CCSER1: variants seen among roughly 807,000 people sequenced by gnomAD.
CCSER1 encodes the protein serine-rich coiled-coil domain-containing protein 1.
A neutral mutation model predicts 82.0 loss-of-function variants in CCSER1; 41 were observed. That is an observed-to-expected ratio of 0.50 (90% CI 0.39 to 0.65). The LOEUF (loss-of-function observed/expected upper bound fraction) is 0.65. CCSER1 is among the 30% of genes least tolerant of loss of function. CCSER1 has a pLI of 0.00. For synonymous variants in CCSER1, 414 were observed against 383.9 expected (o/e 1.08, Z -0.92); for missense variants, 1,119 against 1,064.2 (o/e 1.05, Z -0.72).
At chr4:91,388,992 A>G (rs894539010) in intron 10 of CCSER1, among the ~76,000 whole-genome samples, 2 of 152,040 alleles carry the variant, frequency 1.3e-5, no homozygotes, top group African/African-American at 4.8e-5. Context: ...ACAATCTTTT[A>G]TCAGATATGC....
intron 10 of CCSER1, among the ~76,000 whole-genome samples, chr4:91,390,313 A>AT (rs1291255578): frequency 1.3e-4 from 19 of 151,778 alleles, no homozygotes; most frequent in Middle Eastern, 3.4e-3. Context: ...TAATGATGTG[A>AT]TTTTTCCTCT....
intron 8 of CCSER1, among the ~76,000 whole-genome samples, chr4:90,836,464 G>C (rs1373751345): frequency 6.6e-6 from 1 of 152,070 alleles, no homozygotes; most frequent in Non-Finnish European, 1.5e-5. Flanking sequence ...ACTCACTCTT[G>C]GAGTTTCTGG....
At chr4:90,622,940 C>T (rs1438408018) in intron 5 of CCSER1, among the ~76,000 whole-genome samples, 1 of 151,388 alleles carries the variant, frequency 6.6e-6, no homozygotes, top group Non-Finnish European at 1.5e-5. Flanking sequence ...TGTTTCCTGA[C>T]TTTTTAATGA....
intron 9 of CCSER1, among the ~76,000 whole-genome samples, chr4:91,048,656 C>G (rs371097942): frequency 6.6e-6 from 1 of 152,194 alleles, no homozygotes; most frequent in East Asian, 1.9e-4. Context: ...TATGATTATA[C>G]ACACTCCTTC....
At chr4:90,355,814 C>G (rs1388801521) in intron 3 of CCSER1, among the ~76,000 whole-genome samples, 1 of 151,930 alleles carries the variant, frequency 6.6e-6, no homozygotes, top group African/African-American at 2.4e-5. Context: ...TCTGCACTTG[C>G]TGAACAAATT....
chr4:91,584,828 C>T (rs1420656666), intron 10 of CCSER1, among the ~76,000 whole-genome samples: 1 of 150,780 alleles, frequency 6.6e-6, no homozygotes, highest in Non-Finnish European at 1.5e-5. Flanking sequence ...TTCTTCTTGC[C>T]TATTATGTGA....
chr4:90,542,090 T>G (rs975457677), intron 5 of CCSER1, among the ~76,000 whole-genome samples: 2 of 152,082 alleles, frequency 1.3e-5, no homozygotes, highest in South Asian at 2.1e-4. Flanking sequence ...CAATCAGATT[T>G]TATAACAATT....
Position 90,771,464 on chromosome 4 carries a change from CTAT to C in CCSER1, c.2011-44296_2011-44294del, listed in dbSNP as rs551630200. On this transcript the variant is annotated intron_variant, in intron 7 of 10. Coordinates refer to ENST00000509176, the MANE Select transcript of CCSER1 (RefSeq NM_001145065.2). The stretch of plus-strand genomic sequence containing the variant: ...TTGAATTGGTAGATATAAATATCTA[CTAT>C]TTGTACATCCCACTATTTCTTTTCT... Among the ~76,000 whole-genome samples the C allele has an allele frequency of 1.2e-4, 18 of 149,046 alleles. No homozygotes were observed. In the South Asian group the frequency reaches 3.8e-3, roughly 31 times the overall value.
At chr4:90,641,343 A>G (rs35441335) in intron 6 of CCSER1, among the ~76,000 whole-genome samples, 1 of 152,126 alleles carries the variant, frequency 6.6e-6, no homozygotes, top group Admixed American at 6.6e-5. Flanking sequence ...GATGCTAAAC[A>G]CCGTATTCAG....
At chr4:90,620,953 A>G (rs1033671818) in intron 5 of CCSER1, among the ~76,000 whole-genome samples, 5 of 152,158 alleles carry the variant, frequency 3.3e-5, no homozygotes, top group Admixed American at 2.0e-4. Context: ...ATCTGACATT[A>G]TGGTCGTGCA....
At chr4:91,415,579 T>A (rs1753309996) in intron 10 of CCSER1, among the ~76,000 whole-genome samples, 1 of 152,114 alleles carries the variant, frequency 6.6e-6, no homozygotes, top group Admixed American at 6.6e-5. Flanking sequence ...TTTTGAGGTA[T>A]GTTCCTTCAA....
chr4:91,249,265 C>T (rs1740064198), intron 10 of CCSER1, among the ~76,000 whole-genome samples: 1 of 152,076 alleles, frequency 6.6e-6, no homozygotes, highest in South Asian at 2.1e-4. Flanking sequence ...AAGACTGTGA[C>T]AGTACTATTA....
At chr4:90,568,909 A>G (rs1779764609) in intron 5 of CCSER1, among the ~76,000 whole-genome samples, 1 of 151,716 alleles carries the variant, frequency 6.6e-6, no homozygotes, top group Admixed American at 6.6e-5. Context: ...CTGGGATTAC[A>G]GGCGCCCACC....
chr4:90,175,683 C>A (rs1475183731), intron 1 of CCSER1, among the ~76,000 whole-genome samples: 2 of 151,950 alleles, frequency 1.3e-5, no homozygotes, highest in African/African-American at 4.8e-5. Context: ...TTGGATAATG[C>A]ATTCTCAACC....
intron 8 of CCSER1, among the ~76,000 whole-genome samples, chr4:90,857,767 T>C (rs1310344021): frequency 6.6e-6 from 1 of 152,074 alleles, no homozygotes; most frequent in Non-Finnish European, 1.5e-5. Flanking sequence ...GGTCAAGGGA[T>C]ACAAGGTAGT....
chr4:90,729,262 A>G (rs1039619320), intron 7 of CCSER1, among the ~76,000 whole-genome samples: 2 of 152,226 alleles, frequency 1.3e-5, no homozygotes, highest in African/African-American at 4.8e-5. Flanking sequence ...TCTTATAAAT[A>G]CTGTAGGGCA....
intron 10 of CCSER1, among the ~76,000 whole-genome samples, chr4:91,184,625 G>A (rs1242007417): frequency 6.6e-6 from 1 of 152,094 alleles, no homozygotes; most frequent in East Asian, 1.9e-4. Context: ...TCTTTACTTA[G>A]CAGCCATTGT....
intron 10 of CCSER1, among the ~76,000 whole-genome samples, chr4:91,269,540 CTTG>C (rs1250617663): frequency 2.6e-5 from 4 of 152,086 alleles, no homozygotes; most frequent in Non-Finnish European, 4.4e-5. Context: ...TCAGAAATAT[CTTG>C]TTATTATTTA....
chr4:90,466,674 T>C (rs1350955353), intron 4 of CCSER1, among the ~76,000 whole-genome samples: 1 of 152,232 alleles, frequency 6.6e-6, no homozygotes, highest in Non-Finnish European at 1.5e-5. Flanking sequence ...ATTAATATAA[T>C]ATTAAAACTT....
Sources: gnomAD v4.1 joint callset for allele counts (sites outside exome capture counted in the v4.1 genomes callset) on GRCh38, gnomAD v4.1.1 for gene constraint, MANE v1.5 for transcripts, NCBI Gene and HGNC (gene_info 2026-07-23, HGNC 2026-07-21) for gene names.